The following ABI2 variants were observed in gnomAD, a reference collection of about 807,000 sequenced individuals.
ABI2 encodes the protein abl interactor 2, also known as abelson interactor 2.
A neutral mutation model predicts 59.2 loss-of-function variants in ABI2; 25 were observed. The observed-to-expected ratio is 0.42, with a 90% CI of 0.31 to 0.59. The LOEUF (loss-of-function observed/expected upper bound fraction) is 0.59. ABI2 is among the 20% of genes least tolerant of loss of function. The pLI is 0.14. For missense variants in ABI2, 545 were observed against 681.8 expected, an observed-to-expected ratio of 0.80 and a Z score of 2.23; for synonymous variants, 213 against 235.5, an observed-to-expected ratio of 0.90 and a Z score of 0.87.
intron 11 of ABI2, among the ~76,000 whole-genome samples, chr2:203,426,019 CAA>C (rs34530204): frequency 8.8e-4 from 75 of 85,434 alleles, no homozygotes; most frequent in African/African-American, 1.6e-3. Flanking sequence ...GAGACTGTCT[CAA>C]AAAAAAAAAA....
intron 1 of ABI2, among the ~76,000 whole-genome samples, chr2:203,349,800 G>T (rs1283317834): frequency 2.0e-5 from 3 of 151,380 alleles, no homozygotes; most frequent in Non-Finnish European, 4.4e-5. Flanking sequence ...TTGACATTCT[G>T]ATTTTTCCAC....
chr2:203,413,098 A>G (rs529958764), intron 10 of ABI2, among the ~76,000 whole-genome samples: 44 of 152,336 alleles, frequency 2.9e-4, no homozygotes, highest in South Asian at 1.7e-3. Context: ...AATTCTGCCA[A>G]TCAATTGCTA....
At chr2:203,407,103 G>T (rs986982680) in intron 9 of ABI2, among the ~76,000 whole-genome samples, 1 of 152,116 alleles carries the variant, frequency 6.6e-6, no homozygotes, top group African/African-American at 2.4e-5. Context: ...CATTCTAAGA[G>T]AATTTAAGCA....
chr2:203,378,053 A>T (rs780895199), intron 2 of ABI2, among the ~76,000 whole-genome samples: 15 of 152,114 alleles, frequency 9.9e-5, no homozygotes, highest in Non-Finnish European at 1.9e-4. Flanking sequence ...TATTCTCATA[A>T]TTAGCCTAAC....
At chr2:203,372,196 T>G (rs1168791710) in intron 2 of ABI2, among the ~76,000 whole-genome samples, 1 of 152,066 alleles carries the variant, frequency 6.6e-6, no homozygotes, top group Non-Finnish European at 1.5e-5. Context: ...CTTAATCCAT[T>G]TAACCCTGAG....
At chr2:203,338,513 C>A (rs1330097568) in intron 1 of ABI2, among the ~76,000 whole-genome samples, 1 of 151,972 alleles carries the variant, frequency 6.6e-6, no homozygotes, top group Non-Finnish European at 1.5e-5. Flanking sequence ...AGCCCCCCCA[C>A]CATGTGACAT....
chr2:203,336,054 C>A (rs182817602), intron 1 of ABI2, among the ~76,000 whole-genome samples: 4 of 152,258 alleles, frequency 2.6e-5, no homozygotes, highest in Admixed American at 2.6e-4. Context: ...TAGTATATAG[C>A]CTTTTGTGTT....
At chr2:203,364,147 G>T (rs994836064) in intron 1 of ABI2, among the ~76,000 whole-genome samples, 3 of 150,330 alleles carry the variant, frequency 2.0e-5, no homozygotes, top group Non-Finnish European at 4.4e-5. Context: ...AGGTTGGGGT[G>T]TAGTGGCATG....
At chr2:203,373,346 G>A (rs952399114) in intron 2 of ABI2, among the ~76,000 whole-genome samples, 2 of 152,200 alleles carry the variant, frequency 1.3e-5, no homozygotes, top group Non-Finnish European at 2.9e-5. Flanking sequence ...GCCTGTAATC[G>A]CAGGCACTCG....
intron 1 of ABI2, among the ~76,000 whole-genome samples, chr2:203,349,746 G>A (rs571506807): frequency 6.6e-6 from 1 of 150,938 alleles, no homozygotes; most frequent in African/African-American, 2.4e-5. Flanking sequence ...TAATATTCTA[G>A]TACATGGATA....
At chr2:203,409,818 GA>G (rs2097581523) in intron 9 of ABI2, among the ~76,000 whole-genome samples, 1 of 152,164 alleles carries the variant, frequency 6.6e-6, no homozygotes. Context: ...TAGGCCTGAA[GA>G]AGTTAATTGA....
chr2:203,373,644 A>G (rs2095474954), intron 2 of ABI2, among the ~76,000 whole-genome samples: 1 of 152,252 alleles, frequency 6.6e-6, no homozygotes, highest in Non-Finnish European at 1.5e-5. Flanking sequence ...CAAGGTCAAA[A>G]GGCAACATAA....
intron 11 of ABI2, among the ~76,000 whole-genome samples, chr2:203,426,669 C>T (rs1282647567): frequency 6.6e-6 from 1 of 151,856 alleles, no homozygotes; most frequent in East Asian, 1.9e-4. Flanking sequence ...GAGGCATAGG[C>T]TCCAGAGAGA....
chr2:203,427,284 G>A lies in ABI2; in HGVS notation c.1561G>A (p.Val521Ile), dbSNP rs1242265959. Residue 521 changes from valine to isoleucine, a missense_variant, in exon 12 of 12, where the codon GTT becomes ATT. This residue lies in a region of ABI2 where 44 missense variants were observed against 106.4 expected (regional missense o/e 0.41). Transcript: ENST00000261018. ...KKNDDGWYEG[V>I]MNGVTGLFPG... ...GAATGACGATGGTTGGTATGAGGGA[G>A]TTATGAATGGAGTGACTGGGCTTTT... 2 of 1,613,986 alleles carry A rather than the reference G, an allele frequency of 1.2e-6. No individual in the cohort carries two copies. The highest frequency in any genetic ancestry group is 3.3e-5 in the Admixed American group (2 of 60,008).
At chr2:203,330,585 A>G (rs1417359814) in intron 1 of ABI2, among the ~76,000 whole-genome samples, 1 of 152,152 alleles carries the variant, frequency 6.6e-6, no homozygotes, top group African/African-American at 2.4e-5. Context: ...TGGAGGAAGC[A>G]ATGCTGTTCT....
At chr2:203,411,670 T>C (rs1030168667) in intron 10 of ABI2, among the ~76,000 whole-genome samples, 3 of 152,204 alleles carry the variant, frequency 2.0e-5, no homozygotes, top group Non-Finnish European at 2.9e-5. Context: ...GTTGCTCAGA[T>C]AAGTGGTAGT....
At chr2:203,334,190 C>G (rs533132808) in intron 1 of ABI2, among the ~76,000 whole-genome samples, 15 of 152,270 alleles carry the variant, frequency 9.9e-5, no homozygotes, top group African/African-American at 3.4e-4. Flanking sequence ...ATCCACCCGC[C>G]TTGGCCTTCC....
chr2:203,419,925 T>G (rs1382916573), intron 11 of ABI2, among the ~76,000 whole-genome samples: 1 of 152,022 alleles, frequency 6.6e-6, no homozygotes, highest in South Asian at 2.1e-4. Flanking sequence ...GAGGCGGAGG[T>G]TGGGGAGAGC....
chr2:203,422,545 C>T (rs2098262612), intron 11 of ABI2, among the ~76,000 whole-genome samples: 1 of 152,018 alleles, frequency 6.6e-6, no homozygotes, highest in Non-Finnish European at 1.5e-5. Context: ...CCTGGCTCCA[C>T]AGAAGCGTAG....
Sources: gnomAD v4.1 joint callset for allele counts (sites outside exome capture counted in the v4.1 genomes callset) on GRCh38, gnomAD v4.1.1 for gene constraint, gnomAD v4.1.1 regional missense constraint, MANE v1.5 for transcripts, NCBI Gene and HGNC (gene_info 2026-07-23, HGNC 2026-07-21) for gene names.